THSD4: variants seen among roughly 807,000 people sequenced by gnomAD.
THSD4 encodes thrombospondin type-1 domain-containing protein 4.
A neutral mutation model predicts 119.0 loss-of-function variants in THSD4; 69 were observed. The observed-to-expected ratio is 0.58, with a 90% CI of 0.48 to 0.71. THSD4 has a LOEUF of 0.71. THSD4 is among the 30% of genes least tolerant of loss of function. The pLI is 0.00. For missense variants in THSD4, 1,393 were observed against 1,391.1 expected (o/e 1.00, Z -0.02); for synonymous variants, 524 against 540.4 (o/e 0.97, Z 0.42).
chr15:71,243,450 C>T (rs1398571585), intron 5 of THSD4, among the ~76,000 whole-genome samples: 3 of 152,078 alleles, frequency 2.0e-5, no homozygotes, highest in Non-Finnish European at 4.4e-5. Flanking sequence ...ATAAGTTTCC[C>T]AGAGGTTCTC....
chr15:71,585,693 CTTCT>C (rs1376283040), intron 7 of THSD4, among the ~76,000 whole-genome samples: 1 of 152,052 alleles, frequency 6.6e-6, no homozygotes, highest in African/African-American at 2.4e-5. Flanking sequence ...TTCTCTGCTC[CTTCT>C]TTGACTCTCA....
At chr15:71,407,828 G>C (rs532567772) in intron 6 of THSD4, among the ~76,000 whole-genome samples, 1 of 152,256 alleles carries the variant, frequency 6.6e-6, no homozygotes, top group Non-Finnish European at 1.5e-5. Context: ...CTCATCCCCA[G>C]AGTTTCTGAT....
At chr15:71,729,380 GT>G (rs1183756092) in intron 9 of THSD4, 2 of 152,300 alleles carry the variant, frequency 1.3e-5, no homozygotes, top group Admixed American at 6.5e-5. Flanking sequence ...GAAATAAAGG[GT>G]GATAAGACAT....
At chr15:71,427,634 T>G (rs1036747912) in intron 7 of THSD4, among the ~76,000 whole-genome samples, 9 of 148,810 alleles carry the variant, frequency 6.0e-5, no homozygotes, top group African/African-American at 2.2e-4. Flanking sequence ...AGGATAGAAG[T>G]TGAGGTGACC....
intron 7 of THSD4, among the ~76,000 whole-genome samples, chr15:71,456,115 G>T (rs1338146384): frequency 6.6e-6 from 1 of 152,204 alleles, no homozygotes. Flanking sequence ...TATAAGGAAA[G>T]AACTTTTCTC....
chr15:71,512,397 C>T lies in THSD4; in HGVS notation c.1152+100574C>T, dbSNP rs550952977. Among the ~76,000 whole-genome samples the T allele has an allele frequency of 3.9e-5, 6 of 152,178 alleles. No homozygotes were observed. The South Asian group carries it at 8.3e-4, about 21-fold the overall frequency. ...TTGCAAAGGTTGAACCACTTCAGCCCGGCAGCGTTTTCCTGTGACCCCTGC... is the reference window on the plus strand; with the variant it reads ...TTGCAAAGGTTGAACCACTTCAGCCTGGCAGCGTTTTCCTGTGACCCCTGC... On this transcript the variant is annotated intron_variant, in intron 7 of 17. Transcript: ENST00000261862.
At chr15:71,244,282 G>A (rs569629428) in intron 5 of THSD4, among the ~76,000 whole-genome samples, 28 of 152,252 alleles carry the variant, frequency 1.8e-4, no homozygotes, top group Admixed American at 1.0e-3. Context: ...TAAAGACTGC[G>A]TATTAAAGAG....
chr15:71,144,157 G>A (rs555845302), intron 2 of THSD4, among the ~76,000 whole-genome samples: 10 of 152,220 alleles, frequency 6.6e-5, no homozygotes, highest in Admixed American at 5.2e-4. Context: ...AATACTAGAG[G>A]AAGAAAATGT....
At chr15:71,162,177 G>C (rs2043255059) in intron 3 of THSD4, among the ~76,000 whole-genome samples, 1 of 151,942 alleles carries the variant, frequency 6.6e-6, no homozygotes. Flanking sequence ...CACCATTACA[G>C]CACTAGGGTA....
At position 71,765,348 on chromosome 15, in the gene THSD4, C is replaced by T. The variant is rs1388160943; in HGVS notation, c.2769+149C>T. 22 of 945,560 alleles carry T rather than the reference C, an allele frequency of 2.3e-5. No individual in the cohort carries two copies. The South Asian group carries it at 4.0e-4, about 17-fold the overall frequency. The allele number at this position is 945,560 out of a possible 1,614,324, so 58.6% of individuals were successfully genotyped here. ...TTAGGTGGTAGCTGCTGGAGTACCC[C>T]GTGACTCAGCCTGCTTCGTGGGGAA... On this transcript the variant is annotated intron_variant, in intron 16 of 17. Coordinates refer to ENST00000261862, the MANE Select transcript of THSD4 (RefSeq NM_024817.3).
chr15:71,320,590 A>G (rs999828555), intron 6 of THSD4, among the ~76,000 whole-genome samples: 2 of 152,200 alleles, frequency 1.3e-5, no homozygotes, highest in African/African-American at 4.8e-5. Context: ...AACACATAGA[A>G]AAAAAGATCC....
intron 6 of THSD4, among the ~76,000 whole-genome samples, chr15:71,349,002 C>T (rs2045707078): frequency 6.6e-6 from 1 of 152,218 alleles, no homozygotes; most frequent in East Asian, 1.9e-4. Context: ...GTATTTCAGA[C>T]ATAAATTCTC....
chr15:71,716,561 G>T (rs1007921006), intron 8 of THSD4, among the ~76,000 whole-genome samples: 1 of 144,564 alleles, frequency 6.9e-6, no homozygotes, highest in Admixed American at 7.0e-5. Flanking sequence ...TAGAGTGTGG[G>T]GTGTGTGTGT....
rs2053992403 is a variant in THSD4, at chr15:71,781,155, C to T, written c.*3781C>T. On this transcript the variant is annotated 3_prime_UTR_variant, in exon 18 of 18. Coordinates refer to ENST00000261862, the MANE Select transcript of THSD4 (RefSeq NM_024817.3). ...TTACATGGGAAAATATCGATGGCTT[C>T]CTCACAAAATGTATGGGTGACGTGA... is the stretch of plus-strand genomic sequence containing the variant. 1 of 181,180 alleles carries T rather than the reference C, an allele frequency of 5.5e-6. No individual in the cohort carries two copies. Among genetic ancestry groups the T allele is most frequent in the Middle Eastern group, 2.7e-3 (1 of 372 alleles). 11.2% of individuals were successfully genotyped at this position (181,180 alleles called of 1,614,324 possible).
In THSD4 at chr15:71,281,048, G is replaced by A. The variant is rs895928252; in HGVS notation, c.1015+24333G>A. On this transcript the variant is annotated intron_variant, in intron 6 of 17. Transcript: ENST00000261862. ...GTTAGCAAGTGGATTCTATAGATACGCCCCATGTCCCTGCCCAGGCAAACT... is the reference window on the plus strand; with the variant it reads ...GTTAGCAAGTGGATTCTATAGATACACCCCATGTCCCTGCCCAGGCAAACT... 3.3e-5 allele frequency among the ~76,000 whole-genome samples: 5 copies of A among 152,158 alleles called. No individual in the cohort carries two copies. In the South Asian group the frequency reaches 6.2e-4, roughly 19 times the overall value.
intron 6 of THSD4, among the ~76,000 whole-genome samples, chr15:71,393,959 T>C (rs771229503): frequency 2.0e-5 from 3 of 152,200 alleles, no homozygotes; most frequent in Non-Finnish European, 2.9e-5. Flanking sequence ...TTAAGACCCA[T>C]TGTAGTTAAG....
At chr15:71,694,428 T>C (rs2052120471) in intron 8 of THSD4, among the ~76,000 whole-genome samples, 1 of 152,262 alleles carries the variant, frequency 6.6e-6, no homozygotes, top group Non-Finnish European at 1.5e-5. Context: ...ATATTTTCTT[T>C]TAACATGGTT....
intron 6 of THSD4, among the ~76,000 whole-genome samples, chr15:71,377,908 A>ACC (rs1566961531): frequency 0.072 from 8,936 of 124,866 alleles, 430 homozygotes; most frequent in African/African-American, 0.15. Flanking sequence ...ACACACACAC[A>ACC]CACACAATTT....
intron 8 of THSD4, among the ~76,000 whole-genome samples, chr15:71,700,361 A>G (rs192871563): frequency 1.9e-4 from 29 of 152,286 alleles, no homozygotes; most frequent in South Asian, 1.9e-3. Context: ...TTAAATATTT[A>G]AAATAAATGA....
Sources: gnomAD v4.1 joint callset for allele counts (sites outside exome capture counted in the v4.1 genomes callset) on GRCh38, gnomAD v4.1.1 for gene constraint, MANE v1.5 for transcripts, NCBI Gene and HGNC (gene_info 2026-07-23, HGNC 2026-07-21) for gene names.